The following SMPD3 variants were observed in gnomAD, a reference collection of about 807,000 sequenced individuals.
SMPD3 encodes the protein sphingomyelin phosphodiesterase 3.
In SMPD3, 21 loss-of-function variants were observed where a neutral mutation model predicts 55.7. The observed-to-expected ratio is 0.38, with a 90% CI of 0.27 to 0.54. SMPD3 has a LOEUF of 0.54. Among genes scored for constraint, SMPD3 ranks in the 20% least tolerant of loss-of-function variants. The pLI is 0.80. For synonymous variants in SMPD3, 457 were observed against 404.3 expected (o/e 1.13, Z -1.56); for missense variants, 842 against 899.6 (o/e 0.94, Z 0.82).
rs1312374796 is a variant in SMPD3 at position 68,358,466 on chromosome 16, T to C, written c.*2740A>G. On this transcript the variant is annotated 3_prime_UTR_variant, in exon 9 of 9. Transcript: ENST00000219334. ...CTTCTAGGGAAGAACCGTCTGGATA[T>C]ATATTTGATAATGTTTTTACCAAAA... is the stretch of plus-strand genomic sequence containing the variant. 3 of 152,684 alleles carry C rather than the reference T, an allele frequency of 2.0e-5. No individual in the cohort carries two copies. The highest frequency in any genetic ancestry group is 7.2e-5 in the African/African-American group (3 of 41,460). 9.5% of individuals were successfully genotyped at this position (152,684 alleles called of 1,614,324 possible).
At position 68,371,840 on chromosome 16, in the gene SMPD3, T is replaced by C; in HGVS notation, c.342A>G (p.Glu114=). 6.2e-7 allele frequency: 1 copy of C among 1,606,124 alleles called. No individual in the cohort carries two copies. Among genetic ancestry groups the C allele is most frequent in the Non-Finnish European group, 8.5e-7 (1 of 1,177,204 alleles). The change falls in exon 3 of 9, where the codon GAA becomes GAG. Residue 114 remains glutamate (E), a synonymous_variant. Coordinates refer to ENST00000219334, the MANE Select transcript of SMPD3 (RefSeq NM_018667.4). ...GLAGGAALLS[E]WKGTGPGKSF... is the part of the protein sequence containing the mutation. ...TTTTGCCAGGCCCCGTGCCCTTCCA[T>C]TCACTGAGCAGGGCTGCCCCACCGG...
Position 68,447,339 on chromosome 16 carries a change from G to A in SMPD3, c.-269+1014C>T, listed in dbSNP as rs2152037753. The stretch of plus-strand genomic sequence containing the variant: ...CCTGGAGCTCTTGAGTGCTTGAGGG[G>A]AGACCCGCCCCGTCCCGCTCTGTAC... On this transcript the variant is annotated intron_variant, in intron 1 of 8. Coordinates refer to ENST00000219334, the MANE Select transcript of SMPD3 (RefSeq NM_018667.4). This position sits in a 1 kb window ranked among gnomAD's most constrained non-coding sequence, Gnocchi z 5.1. Among the ~76,000 whole-genome samples the A allele has an allele frequency of 6.6e-6, 1 of 152,206 alleles. No homozygotes were observed. The highest frequency in any genetic ancestry group is 1.9e-4 in the East Asian group (1 of 5,172).
intron 8 of SMPD3, 36 bp downstream of exon 8, chr16:68,361,563 CTCTT>C (rs2089269364): frequency 6.2e-7 from 1 of 1,600,582 alleles, no homozygotes; most frequent in African/African-American, 1.3e-5. Flanking sequence ...GCCCTGCTCT[CTCTT>C]TGCATGGCCC....
In SMPD3 at chr16:68,405,178, C is replaced by T. The variant is rs189306653; in HGVS notation, c.-268-18519G>A. Among the ~76,000 whole-genome samples the T allele has an allele frequency of 1.6e-4, 25 of 152,248 alleles. No individual in the cohort carries two copies. In the East Asian group the frequency reaches 3.5e-3, roughly 21 times the overall value. ...TGGGTCACAGCCTCGGGACTCATGG[C>T]TGCTCTGTATCTTCCATCCTGCTGG... On this transcript the variant is annotated intron_variant, in intron 1 of 8. Coordinates refer to ENST00000219334, the MANE Select transcript of SMPD3 (RefSeq NM_018667.4).
chr16:68,445,194 G>C (rs1449989577), intron 1 of SMPD3, among the ~76,000 whole-genome samples: 1 of 152,226 alleles, frequency 6.6e-6, no homozygotes, highest in Admixed American at 6.5e-5. Context: ...GAGGAAAAGA[G>C]GGCTTGCCTT....
At chr16:68,385,215 G>A (rs2090031693) in intron 2 of SMPD3, among the ~76,000 whole-genome samples, 1 of 152,184 alleles carries the variant, frequency 6.6e-6, no homozygotes, top group South Asian at 2.1e-4. Context: ...GTCCCTGAGA[G>A]GTGCAGCCAA....
intron 3 of SMPD3, among the ~76,000 whole-genome samples, chr16:68,365,607 G>A (rs1020563081): frequency 2.6e-4 from 39 of 152,034 alleles, no homozygotes; most frequent in African/African-American, 8.2e-4. Flanking sequence ...TGGCCTCGTC[G>A]CCTTCTGGCT....
At chr16:68,431,683 AG>A (rs1246700283) in intron 1 of SMPD3, among the ~76,000 whole-genome samples, 1 of 152,252 alleles carries the variant, frequency 6.6e-6, no homozygotes, top group Non-Finnish European at 1.5e-5. Context: ...ACACTTTGGG[AG>A]GCCAAGGCAG....
chr16:68,376,529 T>C (rs895242986), intron 2 of SMPD3, among the ~76,000 whole-genome samples: 2 of 152,234 alleles, frequency 1.3e-5, no homozygotes, highest in African/African-American at 2.4e-5. Context: ...GACTGCATTG[T>C]TCCCCCAGGG....
At chr16:68,366,897 A>G (rs1209670705) in intron 3 of SMPD3, among the ~76,000 whole-genome samples, 1 of 152,076 alleles carries the variant, frequency 6.6e-6, no homozygotes, top group Non-Finnish European at 1.5e-5. Context: ...AATCCCAGCT[A>G]TTCAGGAGGG....
chr16:68,439,792 C>A (rs1454770846), intron 1 of SMPD3, among the ~76,000 whole-genome samples: 1 of 152,208 alleles, frequency 6.6e-6, no homozygotes, highest in Non-Finnish European at 1.5e-5. Flanking sequence ...TCCCTCAGAG[C>A]TATGCAGTGA....
chr16:68,363,720 T>TTGAGGGAAGTC, intron 6 of SMPD3, 57 bp downstream of exon 6: 1 of 1,509,288 alleles, frequency 6.6e-7, no homozygotes, highest in Non-Finnish European at 9.0e-7. Context: ...CTGGTGATCT[T>TTGAGGGAAGTC]TGAGGGAAGT....
Position 68,447,081 on chromosome 16 carries a change from GC to G in SMPD3, c.-269+1271del, listed in dbSNP as rs34037311. On this transcript the variant is annotated intron_variant, in intron 1 of 8. Transcript: ENST00000219334. This position sits in a 1 kb window ranked among gnomAD's most constrained non-coding sequence, Gnocchi z 5.1. ...GGAAGCTGCCCGCGCCGCGCCCGAA[GC>G]CCCCCCTCCGCGGCCGCGCCCCCCG... Among the ~76,000 whole-genome samples the G allele has an allele frequency of 2.6e-5, 4 of 151,782 alleles. No homozygotes were observed. The highest frequency in any genetic ancestry group is 2.1e-4 in the South Asian group (1 of 4,820).
intron 1 of SMPD3, among the ~76,000 whole-genome samples, chr16:68,432,801 TTTTTC>T (rs1361280949): frequency 6.6e-6 from 1 of 152,114 alleles, no homozygotes; most frequent in Non-Finnish European, 1.5e-5. Context: ...TTTGACTTTG[TTTTTC>T]TTTTCTTTTC....
intron 1 of SMPD3, among the ~76,000 whole-genome samples, chr16:68,398,711 T>C (rs1278523236): frequency 6.6e-6 from 1 of 152,222 alleles, no homozygotes; most frequent in Non-Finnish European, 1.5e-5. Flanking sequence ...AATTGGACAG[T>C]AATTCATGCT....
chr16:68,443,931 CT>C (rs1319992492), intron 1 of SMPD3, among the ~76,000 whole-genome samples: 1 of 152,198 alleles, frequency 6.6e-6, no homozygotes, highest in Non-Finnish European at 1.5e-5. Context: ...GCCCTCAAAG[CT>C]TGGTTTCCTC....
At chr16:68,387,576 A>G (rs1179058049) in intron 1 of SMPD3, among the ~76,000 whole-genome samples, 1 of 152,116 alleles carries the variant, frequency 6.6e-6, no homozygotes, top group East Asian at 1.9e-4. Flanking sequence ...GTCCCTACTA[A>G]TCTGCCGAAT....
At chr16:68,422,854 G>A (rs2090406462) in intron 1 of SMPD3, among the ~76,000 whole-genome samples, 1 of 152,154 alleles carries the variant, frequency 6.6e-6, no homozygotes, top group African/African-American at 2.4e-5. Context: ...GGAGGTTAAT[G>A]TGAGGATCTC....
Position 68,358,713 on chromosome 16 carries a change from CTTCCT to C in SMPD3, c.*2488_*2492del, listed in dbSNP as rs1261464160. 5 of 152,586 alleles carry C rather than the reference CTTCCT, an allele frequency of 3.3e-5. No individual in the cohort carries two copies. The highest frequency in any genetic ancestry group is 7.3e-5 in the Non-Finnish European group (5 of 68,056). 9.5% of individuals were successfully genotyped at this position (152,586 alleles called of 1,614,324 possible). Reference sequence around the variant, plus strand: ...CCTCAGTGGCCCCCGCGCCTTGTGGCTTCCTTTGAGACTGGGCCTAGGGCAGGAAC... The same window carrying C: ...CCTCAGTGGCCCCCGCGCCTTGTGGCTTGAGACTGGGCCTAGGGCAGGAAC... On this transcript the variant is annotated 3_prime_UTR_variant, in exon 9 of 9. Transcript: ENST00000219334.
Sources: allele counts gnomAD v4.1 joint callset (sites outside exome capture counted in the v4.1 genomes callset), GRCh38; gene constraint gnomAD v4.1.1; non-coding constraint Gnocchi (gnomAD v3.1); transcripts MANE v1.5; gene names NCBI Gene and HGNC (gene_info 2026-07-23, HGNC 2026-07-21).